Variants in HAO2 observed in about 807,000 individuals in gnomAD.
HAO2 encodes hydroxyacid oxidase 2, also known as 2-Hydroxyacid oxidase 2.
A neutral mutation model predicts 37.4 loss-of-function variants in HAO2; 42 were observed. The ratio of observed to expected loss-of-function variants is 1.12; its 90% CI spans 0.88 to 1.45. The LOEUF is 1.45. HAO2 is among the 40% of genes most tolerant of loss of function. The pLI is 0.00. For synonymous variants in HAO2, 180 were observed against 162.8 expected, an observed-to-expected ratio of 1.11 and a Z score of -0.81; for missense variants, 476 against 430.2, an observed-to-expected ratio of 1.11 and a Z score of -0.94.
Position 119,384,870 on chromosome 1 carries a change from G to A in HAO2, c.378G>A (p.Trp126Ter), listed in dbSNP as rs1051245974. The A allele has an allele frequency of 1.9e-6, 3 of 1,613,770 alleles. No individual in the cohort carries two copies. The highest frequency in any genetic ancestry group is 2.5e-6 in the Non-Finnish European group (3 of 1,179,808). Residue 126 changes from tryptophan to a stop codon, truncating the protein, a stop_gained, in exon 4 of 8, where the codon TGG becomes TGA. Coordinates refer to ENST00000325945, the MANE Select transcript of HAO2 (RefSeq NM_016527.4). LOFTEE classifies it high-confidence loss of function. Reference protein sequence around the residue: ...IVIAAPEGLRWFQLYVHPDLQ... With the variant: ...IVIAAPEGLR ...TTGCAGCTCCCGAAGGCCTCCGATG[G>A]TTCCAACTCTATGTGCATCCAGACC...
chr1:119,388,801 T>C (rs924661839), intron 5 of HAO2, among the ~76,000 whole-genome samples: 7 of 152,026 alleles, frequency 4.6e-5, no homozygotes, highest in African/African-American at 1.7e-4. Flanking sequence ...CCACAGGTTA[T>C]TAAGGAACAG....
intron 2 of HAO2, 105 bp downstream of exon 2, chr1:119,381,321 T>C (rs886607037): frequency 6.2e-6 from 5 of 807,824 alleles, no homozygotes; most frequent in Non-Finnish European, 1.1e-5. Context: ...CACAGATCAC[T>C]CAAGACCTAA....
chr1:119,375,118 C>A (rs1649342448), intron 1 of HAO2, among the ~76,000 whole-genome samples: 1 of 151,806 alleles, frequency 6.6e-6, no homozygotes, highest in African/African-American at 2.4e-5. Context: ...TCTTCTTGGG[C>A]AGTAGGAATA....
At chr1:119,371,419 T>C (rs138084211) in intron 1 of HAO2, among the ~76,000 whole-genome samples, 1 of 152,344 alleles carries the variant, frequency 6.6e-6, no homozygotes, top group East Asian at 1.9e-4. Flanking sequence ...TTTTTAGTGA[T>C]TGGCTGAATA....
At chr1:119,378,773 G>T (rs1218155387) in intron 1 of HAO2, among the ~76,000 whole-genome samples, 3 of 152,132 alleles carry the variant, frequency 2.0e-5, no homozygotes, top group Admixed American at 2.0e-4. Context: ...CTATGAGTGT[G>T]TAATGTATAG....
chr1:119,393,941 C>T lies in HAO2; in HGVS notation c.*101C>T, dbSNP rs937293248. 36 of 1,586,804 alleles carry T rather than the reference C, an allele frequency of 2.3e-5. No individual in the cohort carries two copies. The highest frequency in any genetic ancestry group is 1.6e-4 in the East Asian group (7 of 43,844). ...TGTCCTTCCTGGACCCCATTCTGTC[C>T]GGAGGCTCATGGCCCATATTTCCCA... On this transcript the variant is annotated 3_prime_UTR_variant, in exon 8 of 8. Transcript: ENST00000325945.
Position 119,393,954 on chromosome 1 carries a change from C to A in HAO2, c.*114C>A. The A allele has an allele frequency of 6.4e-7, 1 of 1,562,322 alleles. No individual in the cohort carries two copies. Among genetic ancestry groups the A allele is most frequent in the Non-Finnish European group, 8.7e-7 (1 of 1,146,552 alleles). Reference sequence around the variant, plus strand: ...CCCCATTCTGTCCGGAGGCTCATGGCCCATATTTCCCACATTTCTAATACC... The same window carrying A: ...CCCCATTCTGTCCGGAGGCTCATGGACCATATTTCCCACATTTCTAATACC... On this transcript the variant is annotated 3_prime_UTR_variant, in exon 8 of 8. Coordinates refer to ENST00000325945, the MANE Select transcript of HAO2 (RefSeq NM_016527.4).
intron 5 of HAO2, among the ~76,000 whole-genome samples, chr1:119,387,700 A>G (rs587653653): frequency 9.9e-5 from 15 of 152,232 alleles, no homozygotes; most frequent in Admixed American, 3.9e-4. Context: ...TTTTTGTTTC[A>G]GTATATATGC....
chr1:119,392,426 G>A, intron 6 of HAO2, 158 bp downstream of exon 6: 1 of 724,798 alleles, frequency 1.4e-6, no homozygotes, highest in Non-Finnish European at 2.3e-6. Context: ...GAAGCCCATT[G>A]CAAATGTTCA....
At chr1:119,389,782 C>G (rs1462631400) in intron 5 of HAO2, among the ~76,000 whole-genome samples, 1 of 151,962 alleles carries the variant, frequency 6.6e-6, no homozygotes, top group Non-Finnish European at 1.5e-5. Flanking sequence ...TACAAAAGCT[C>G]CTTAGTTTAA....
chr1:119,371,341 C>T (rs2101161203), intron 1 of HAO2, among the ~76,000 whole-genome samples: 1 of 152,198 alleles, frequency 6.6e-6, no homozygotes. Context: ...GTTGTAAGCA[C>T]CAAATGGAAT....
chr1:119,386,433 T>C (rs1650385804), intron 4 of HAO2, among the ~76,000 whole-genome samples, 189 bp from the exon 5 acceptor site: 1 of 152,128 alleles, frequency 6.6e-6, no homozygotes. Flanking sequence ...CTCAAACTAC[T>C]AGGCTCAAAA....
At chr1:119,378,597 G>A (rs1053963875) in intron 1 of HAO2, among the ~76,000 whole-genome samples, 7 of 152,184 alleles carry the variant, frequency 4.6e-5, no homozygotes, top group Non-Finnish European at 7.4e-5. Context: ...AATAGTGTTT[G>A]TTATATATAA....
intron 1 of HAO2, among the ~76,000 whole-genome samples, chr1:119,373,101 C>T (rs1292779857): frequency 6.6e-6 from 1 of 152,214 alleles, no homozygotes; most frequent in Non-Finnish European, 1.5e-5. Context: ...GTAGCTATCT[C>T]TCTTGAAGCA....
intron 3 of HAO2, 133 bp from the exon 4 acceptor site, chr1:119,384,643 G>T: frequency 1.4e-6 from 1 of 708,242 alleles, no homozygotes. Context: ...TTTCTTACAA[G>T]GAAGCAGAAT....
chr1:119,386,681 T>A lies in HAO2; in HGVS notation c.621T>A (p.Asp207Glu). ...TPISTSLCWNDLSWFQSITRL... is the reference protein window; with the variant it reads ...TPISTSLCWNELSWFQSITRL... ...TCAGCACTTCTCTCTGCTGGAATGA[T>A]CTCTCCTGGTTTCAGAGCATAACTC... The change falls in exon 5 of 8, where the codon GAT becomes GAA. Residue 207 changes from aspartate (D) to glutamate (E), a missense_variant. Asp to Glu is a conservative substitution (Grantham distance 45, BLOSUM62 2). Transcript: ENST00000325945. 12 of 1,613,362 alleles carry A rather than the reference T, an allele frequency of 7.4e-6. No individual in the cohort carries two copies. Among genetic ancestry groups the A allele is most frequent in the Non-Finnish European group, 9.3e-6 (11 of 1,179,348 alleles).
At chr1:119,369,137 G>A (rs1648749854) in intron 1 of HAO2, 1 of 152,218 alleles carries the variant, frequency 6.6e-6, no homozygotes, top group Admixed American at 6.5e-5. Flanking sequence ...TTGAGTCTTA[G>A]AATTGTATGG....
rs1441427568 is a variant in HAO2, at chr1:119,382,968, C to T, written c.185C>T (p.Thr62Ile). Residue 62 changes from threonine to isoleucine, a missense_variant, in exon 3 of 8, where the codon ACC becomes ATC. Thr to Ile is a moderately conservative substitution (Grantham distance 89). Transcript: ENST00000325945. ...GATGTGTCTGAGGTGGACACCAGAA[C>T]CACAATCCAAGGGGAGGAGATCAGT... ...LRDVSEVDTR[T>I]TIQGEEISAP... 1 of 1,613,422 alleles carries T rather than the reference C, an allele frequency of 6.2e-7. No individual in the cohort carries two copies. The highest frequency in any genetic ancestry group is 8.5e-7 in the Non-Finnish European group (1 of 1,179,450).
At chr1:119,387,741 A>G (rs957734113) in intron 5 of HAO2, among the ~76,000 whole-genome samples, 2 of 152,208 alleles carry the variant, frequency 1.3e-5, no homozygotes, top group African/African-American at 4.8e-5. Flanking sequence ...TGTAGTATGA[A>G]CAGACAACTA....
Sources: allele counts gnomAD v4.1 joint callset (sites outside exome capture counted in the v4.1 genomes callset), GRCh38; gene constraint gnomAD v4.1.1; transcripts MANE v1.5; gene names NCBI Gene and HGNC (gene_info 2026-07-23, HGNC 2026-07-21).